Variants in AKAP13 observed in about 807,000 individuals in gnomAD.
AKAP13 encodes A-kinase anchor protein 13.
Under a neutral mutation model 264.5 loss-of-function variants are expected in AKAP13, and 80 were observed. The ratio of observed to expected loss-of-function variants is 0.30; its 90% CI spans 0.25 to 0.36. AKAP13 has a LOEUF of 0.36. Ranked by LOEUF, AKAP13 falls within the 10% of genes least tolerant of loss-of-function variation. The pLI, the probability that AKAP13 is intolerant of heterozygous loss-of-function variation, is 1.00. For synonymous variants in AKAP13, 1,380 were observed against 1,250.2 expected, an observed-to-expected ratio of 1.10 and a Z score of -2.19; for missense variants, 3,712 against 3,435.2, an observed-to-expected ratio of 1.08 and a Z score of -2.01.
At chr15:85,384,015 A>C (rs1342098090) in intron 1 of AKAP13, among the ~76,000 whole-genome samples, 1 of 152,234 alleles carries the variant, frequency 6.6e-6, no homozygotes, top group East Asian at 1.9e-4. Flanking sequence ...CATAGTTTAG[A>C]ATACTTACAC....
intron 8 of AKAP13, among the ~76,000 whole-genome samples, chr15:85,618,353 C>T (rs576430143): frequency 2.0e-5 from 3 of 152,296 alleles, no homozygotes; most frequent in South Asian, 2.1e-4. Flanking sequence ...TCTCCTCTCC[C>T]CTTCTGTTGT....
At chr15:85,568,352 A>G (rs1303177679) in intron 5 of AKAP13, among the ~76,000 whole-genome samples, 1 of 152,190 alleles carries the variant, frequency 6.6e-6, no homozygotes, top group Non-Finnish European at 1.5e-5. Flanking sequence ...AGGAGGGGAA[A>G]GATCCTATGT....
chr15:85,618,822 C>G (rs62022863), intron 8 of AKAP13, among the ~76,000 whole-genome samples: 62,925 of 151,988 alleles, frequency 0.41, 13,858 homozygotes, highest in East Asian at 0.57. Context: ...AAATCAACTC[C>G]ATCATCCCTT....
chr15:85,722,991 G>GGAGTGAGA (rs2087391303), intron 25 of AKAP13, 81 bp from the exon 26 acceptor site: 1 of 1,532,326 alleles, frequency 6.5e-7, no homozygotes, highest in Non-Finnish European at 8.8e-7. Flanking sequence ...AAGATGATAT[G>GGAGTGAGA]GAGTGAGAAG....
At chr15:85,573,595 C>G (rs898636771) in intron 5 of AKAP13, among the ~76,000 whole-genome samples, 5 of 141,108 alleles carry the variant, frequency 3.5e-5, no homozygotes, top group South Asian at 2.1e-4. Context: ...ATGGGATATT[C>G]AAAGGTGTTA....
intron 29 of AKAP13, among the ~76,000 whole-genome samples, chr15:85,728,253 GA>G (rs1235420775): frequency 6.6e-6 from 1 of 152,192 alleles, no homozygotes; most frequent in African/African-American, 2.4e-5. Context: ...GCTTTGGATA[GA>G]AATAAGGCTT....
intron 10 of AKAP13, 34 bp downstream of exon 10, chr15:85,645,988 A>G: frequency 6.2e-7 from 1 of 1,601,188 alleles, no homozygotes; most frequent in South Asian, 1.1e-5. Context: ...TTTTTGTCAC[A>G]CGGCTTTTGT....
intron 1 of AKAP13, among the ~76,000 whole-genome samples, chr15:85,406,318 A>G (rs11636242): frequency 0.54 from 82,093 of 151,636 alleles, 23,094 homozygotes; most frequent in African/African-American, 0.66. Context: ...AATTCCCATG[A>G]CATTGTATGG....
In AKAP13 at chr15:85,727,509, A is replaced by T; in HGVS notation, c.7087+46A>T. ...TGAGCCCCTTGTCTGGAATGTCTGC[A>T]GTTGCAGAAGACTGCTGGTGGATTT... On this transcript the variant is annotated intron_variant, in intron 29 of 36. Transcript: ENST00000394518. The surrounding 1 kb of genome is among the most constrained non-coding windows in gnomAD (Gnocchi z 5.3). 6.2e-7 allele frequency: 1 copy of T among 1,600,712 alleles called. No homozygotes were observed. The highest frequency in any genetic ancestry group is 1.1e-5 in the South Asian group (1 of 90,382).
intron 12 of AKAP13, among the ~76,000 whole-genome samples, chr15:85,661,402 G>A (rs2083339258): frequency 6.6e-6 from 1 of 152,120 alleles, no homozygotes; most frequent in African/African-American, 2.4e-5. Context: ...CTAACTCAGT[G>A]CCATAGAATT....
chr15:85,533,610 G>T lies in AKAP13; in HGVS notation c.208G>T (p.Val70Leu). Residue 70 changes from valine to leucine, a missense_variant, in exon 4 of 37, where the codon GTG becomes TTG. Coordinates refer to ENST00000394518, the MANE Select transcript of AKAP13 (RefSeq NM_007200.5). ...PGHDCCETVK[V>L]QLCASKEGLP... The stretch of plus-strand genomic sequence containing the variant: ...TCATGATTGTTGTGAAACAGTGAAG[G>T]TGCAGCTCTGTGCTTCCAAAGAGGG... The T allele has an allele frequency of 6.2e-7, 1 of 1,613,048 alleles. No individual in the cohort carries two copies.
chr15:85,672,869 A>G (rs949645980), intron 14 of AKAP13, among the ~76,000 whole-genome samples: 1 of 152,242 alleles, frequency 6.6e-6, no homozygotes, highest in African/African-American at 2.4e-5. Context: ...TTCTCTGCCC[A>G]GAGCTTAAGC....
chr15:85,744,622 T>C lies in AKAP13; in HGVS notation c.8393-6T>C. ...TTTTTTTCATTCTTGGTTTTCACAT[T>C]TCCAGATGGTCCCGCGTCAGAAGTA... is the stretch of plus-strand genomic sequence containing the variant. On this transcript the variant is annotated splice_polypyrimidine_tract_variant and splice_region_variant and intron_variant, in intron 36 of 36. Coordinates refer to ENST00000394518, the MANE Select transcript of AKAP13 (RefSeq NM_007200.5). 6.2e-7 allele frequency: 1 copy of C among 1,613,994 alleles called. No homozygotes were observed. The highest frequency in any genetic ancestry group is 1.3e-5 in the African/African-American group (1 of 75,026).
At position 85,743,480 on chromosome 15, in the gene AKAP13, G is replaced by C. The variant is rs373529094; in HGVS notation, c.8059-12G>C. ...GCCTCCAAGTGAAAACCCTTCTCTT[G>C]AATATGTACAGGTTTCCCATCCACA... is the stretch of plus-strand genomic sequence containing the variant. On this transcript the variant is annotated splice_polypyrimidine_tract_variant and intron_variant, in intron 35 of 36. Transcript: ENST00000394518. 182 of 1,607,730 alleles carry C rather than the reference G, an allele frequency of 1.1e-4. No individual in the cohort carries two copies. The highest frequency in any genetic ancestry group is 1.7e-4 in the Middle Eastern group (1 of 6,042).
intron 1 of AKAP13, among the ~76,000 whole-genome samples, chr15:85,427,815 C>T (rs778561801): frequency 2.2e-4 from 33 of 152,164 alleles, no homozygotes; most frequent in Non-Finnish European, 3.4e-4. Context: ...AGTGACATGG[C>T]TGTCAGAGTT....
At chr15:85,643,280 C>T (rs369567) in intron 9 of AKAP13, among the ~76,000 whole-genome samples, 1 of 151,774 alleles carries the variant, frequency 6.6e-6, no homozygotes, top group African/African-American at 2.4e-5. Context: ...TGCTTCCCCC[C>T]CAACACTAAA....
At chr15:85,677,160 C>T (rs1255047292) in intron 14 of AKAP13, 3 of 984,112 alleles carry the variant, frequency 3.0e-6, no homozygotes, top group Non-Finnish European at 3.6e-6. Flanking sequence ...TCAGAAAATG[C>T]TGTAGGCTTG....
chr15:85,434,321 C>A (rs572300329), intron 1 of AKAP13, among the ~76,000 whole-genome samples: 4 of 152,280 alleles, frequency 2.6e-5, no homozygotes, highest in Admixed American at 2.6e-4. Context: ...GAGGGTCCTA[C>A]GCCCACGGAA....
intron 5 of AKAP13, among the ~76,000 whole-genome samples, chr15:85,568,695 G>A (rs775320337): frequency 6.6e-6 from 1 of 152,192 alleles, no homozygotes; most frequent in Non-Finnish European, 1.5e-5. Flanking sequence ...TATCTATACA[G>A]TAGAGATAGG....
Sources: gnomAD v4.1 joint callset for allele counts (sites outside exome capture counted in the v4.1 genomes callset) on GRCh38, gnomAD v4.1.1 for gene constraint, Gnocchi (gnomAD v3.1) non-coding constraint, MANE v1.5 for transcripts, NCBI Gene and HGNC (gene_info 2026-07-23, HGNC 2026-07-21) for gene names.